CHST9: variants seen among roughly 807,000 people sequenced by gnomAD.
The protein encoded by CHST9 is GalNAc-4-sulfotransferase 2.
In CHST9, 41 loss-of-function variants were observed where a neutral mutation model predicts 44.4. The ratio of observed to expected loss-of-function variants is 0.92; its 90% confidence interval spans 0.72 to 1.20. CHST9 has a LOEUF of 1.20. Ranked by LOEUF, CHST9 falls within the 50% of genes most tolerant of loss-of-function variation. The pLI, the probability that CHST9 is intolerant of heterozygous loss-of-function variation, is 0.00. For synonymous variants in CHST9, 171 were observed against 178.4 expected (o/e 0.96, Z 0.33); for missense variants, 504 against 516.5 (o/e 0.98, Z 0.23).
chr18:27,075,848 A>G (rs1366156185), intron 2 of CHST9, among the ~76,000 whole-genome samples: 1 of 152,232 alleles, frequency 6.6e-6, no homozygotes, highest in Non-Finnish European at 1.5e-5. Flanking sequence ...AATGGCACCT[A>G]AAAGACTGTC....
intron 2 of CHST9, among the ~76,000 whole-genome samples, chr18:27,124,385 T>G (rs957903798): frequency 1.3e-5 from 2 of 152,214 alleles, no homozygotes; most frequent in Admixed American, 6.5e-5. Flanking sequence ...CAAAGACTTA[T>G]GCTATTTAAA....
intron 5 of CHST9, among the ~76,000 whole-genome samples, chr18:26,941,279 A>C (rs566898184): frequency 1.1e-4 from 16 of 152,306 alleles, no homozygotes; most frequent in South Asian, 6.2e-4. Context: ...CCAGAAACAG[A>C]GCCTCATATT....
At chr18:27,016,586 G>A (rs149680715) in intron 4 of CHST9, among the ~76,000 whole-genome samples, 263 of 152,260 alleles carry the variant, frequency 1.7e-3, no homozygotes, top group Non-Finnish European at 2.2e-3. Context: ...GTACCTGGAC[G>A]TTTGCTCACC....
intron 1 of CHST9, among the ~76,000 whole-genome samples, chr18:27,145,989 T>C (rs2143880609): frequency 6.6e-6 from 1 of 152,314 alleles, no homozygotes; most frequent in South Asian, 2.1e-4. Flanking sequence ...AAAGAAATAG[T>C]TGTTTACAAG....
At chr18:27,131,637 C>T (rs1048988593) in intron 2 of CHST9, among the ~76,000 whole-genome samples, 3 of 152,134 alleles carry the variant, frequency 2.0e-5, no homozygotes, top group Non-Finnish European at 4.4e-5. Flanking sequence ...TATGCCCTCC[C>T]CACCCCTTTT....
rs1024665270 is a variant in CHST9 at position 27,127,651 on chromosome 18, T to C, written c.121+15038A>G. On this transcript the variant is annotated intron_variant, in intron 2 of 5. Transcript: ENST00000618847. ...AATTAGATATTTGAGTTGTGCTTTATTTTTAGACAGAAGAGATTGAACTGT... is the reference window on the plus strand; with the variant it reads ...AATTAGATATTTGAGTTGTGCTTTACTTTTAGACAGAAGAGATTGAACTGT... Among the ~76,000 whole-genome samples the C allele has an allele frequency of 2.6e-5, 4 of 152,190 alleles. No homozygotes were observed. The East Asian group carries it at 5.8e-4, about 22-fold the overall frequency.
At chr18:26,976,165 A>T (rs961430801) in intron 4 of CHST9, among the ~76,000 whole-genome samples, 26 of 152,144 alleles carry the variant, frequency 1.7e-4, no homozygotes, top group African/African-American at 5.5e-4. Flanking sequence ...TGAATATAAG[A>T]AATAATTTTA....
intron 4 of CHST9, among the ~76,000 whole-genome samples, chr18:26,985,547 A>T (rs1253399472): frequency 1.3e-5 from 2 of 152,122 alleles, no homozygotes; most frequent in Non-Finnish European, 2.9e-5. Context: ...AGCCCAGAAG[A>T]CTCTTTGAGT....
chr18:27,089,330 C>A (rs1342827655), intron 2 of CHST9, among the ~76,000 whole-genome samples: 2 of 146,286 alleles, frequency 1.4e-5, no homozygotes, highest in Admixed American at 1.4e-4. Flanking sequence ...TGTTTCACGC[C>A]TTGTGTCCAA....
chr18:27,025,418 T>C (rs1033298325), intron 3 of CHST9, among the ~76,000 whole-genome samples: 3 of 151,976 alleles, frequency 2.0e-5, no homozygotes, highest in Non-Finnish European at 2.9e-5. Flanking sequence ...CTAACCCTAA[T>C]TGAGATAAAA....
intron 4 of CHST9, among the ~76,000 whole-genome samples, chr18:26,952,955 T>C (rs2056271468): frequency 1.3e-5 from 2 of 152,148 alleles, no homozygotes; most frequent in African/African-American, 2.4e-5. Flanking sequence ...GGGAAACAAG[T>C]AGGTTTCCCA....
intron 2 of CHST9, among the ~76,000 whole-genome samples, chr18:27,058,308 T>C (rs190025924): frequency 6.6e-6 from 1 of 152,294 alleles, no homozygotes; most frequent in African/African-American, 2.4e-5. Context: ...GTTTATTATA[T>C]TGAGAAAAAC....
At chr18:26,973,961 AG>A (rs2056585891) in intron 4 of CHST9, among the ~76,000 whole-genome samples, 1 of 152,188 alleles carries the variant, frequency 6.6e-6, no homozygotes. Flanking sequence ...TGAATCTTGT[AG>A]GGCCTTCATG....
intron 2 of CHST9, among the ~76,000 whole-genome samples, chr18:27,070,224 T>C (rs866533693): frequency 6.6e-6 from 1 of 152,182 alleles, no homozygotes; most frequent in South Asian, 2.1e-4. Flanking sequence ...TTCAGAGGCA[T>C]CTAATATAAT....
At chr18:26,996,947 C>T (rs1242140719) in intron 4 of CHST9, among the ~76,000 whole-genome samples, 2 of 152,182 alleles carry the variant, frequency 1.3e-5, no homozygotes, top group African/African-American at 4.8e-5. Context: ...ATTTTAAACA[C>T]ATGTCCCACA....
At chr18:27,006,549 ATTAG>A (rs1181053080) in intron 4 of CHST9, among the ~76,000 whole-genome samples, 1 of 152,180 alleles carries the variant, frequency 6.6e-6, no homozygotes, top group African/African-American at 2.4e-5. Context: ...GTCAGAGATC[ATTAG>A]TTGTTTATCC....
chr18:26,908,734 T>C lies in CHST9; in HGVS notation c.*7525A>G, dbSNP rs993621654. On this transcript the variant is annotated 3_prime_UTR_variant, in exon 6 of 6. Transcript: ENST00000618847. ...GTCAGAGTCAGTCAAATGTTGGCAA[T>C]GTCATATGGTTCAACCTAATAGAAA... is the stretch of plus-strand genomic sequence containing the variant. The C allele has an allele frequency of 6.6e-6, 1 of 152,302 alleles. No homozygotes were observed. The highest frequency in any genetic ancestry group is 2.4e-5 in the African/African-American group (1 of 41,564). The allele number at this position is 152,302 out of a possible 1,614,324, so 9.4% of individuals were successfully genotyped here. A position where few individuals can be genotyped will look rare whatever the true frequency, so the allele number is the denominator to read the frequency against.
rs1464185987 is a variant in CHST9 at position 26,912,378 on chromosome 18, C to T, written c.*3881G>A. 3 of 96,126 alleles carry T rather than the reference C, an allele frequency of 3.1e-5. No individual in the cohort carries two copies. The highest frequency in any genetic ancestry group is 4.5e-5 in the African/African-American group (1 of 22,350). 6.0% of individuals were successfully genotyped at this position (96,126 alleles called of 1,614,324 possible). On this transcript the variant is annotated 3_prime_UTR_variant, in exon 6 of 6. Transcript: ENST00000618847. ...TGTGATAACTAACTAGCTAAATACA[C>T]ACACACACACACACACACACACACA...
At position 27,048,572 on chromosome 18, in the gene CHST9, C is replaced by T. The variant is rs1735606916; in HGVS notation, c.122-69G>A. On this transcript the variant is annotated intron_variant, in intron 2 of 5. Coordinates refer to ENST00000618847, the MANE Select transcript of CHST9 (RefSeq NM_031422.6). ...GAATATGATGAAAATAAGATGAAAG[C>T]CCAGTTTACAGCAATTTCCAAACAC... is the stretch of plus-strand genomic sequence containing the variant. The T allele has an allele frequency of 5.2e-6, 7 of 1,336,180 alleles. No individual in the cohort carries two copies. In the South Asian group the frequency reaches 9.1e-5, roughly 17 times the overall value. The allele number at this position is 1,336,180 out of a possible 1,614,324, so 82.8% of individuals were successfully genotyped here.
Sources: gnomAD v4.1 joint callset for allele counts (sites outside exome capture counted in the v4.1 genomes callset) on GRCh38, gnomAD v4.1.1 for gene constraint, MANE v1.5 for transcripts, NCBI Gene and HGNC (gene_info 2026-07-23, HGNC 2026-07-21) for gene names.